Variants in DAB1 observed in about 807,000 individuals in gnomAD.
The protein encoded by DAB1 is DAB adaptor protein 1.
In DAB1, 15 loss-of-function variants were observed where a neutral mutation model predicts 64.6. The observed-to-expected ratio is 0.23, with a 90% confidence interval of 0.16 to 0.36. The LOEUF is 0.36. DAB1 is among the 10% of genes least tolerant of loss of function. DAB1 has a pLI of 1.00. For missense variants in DAB1, 596 were observed against 706.7 expected (o/e 0.84, Z 1.78); for synonymous variants, 235 against 251.9 (o/e 0.93, Z 0.64).
intron 4 of DAB1, among the ~76,000 whole-genome samples, chr1:58,334,845 T>A (rs1340691486): frequency 2.0e-5 from 3 of 151,902 alleles, no homozygotes; most frequent in East Asian, 3.9e-4. Flanking sequence ...AAGGAAGGAA[T>A]ACGTGAACCA....
chr1:58,291,731 G>A (rs1203055334), intron 4 of DAB1, among the ~76,000 whole-genome samples: 1 of 152,150 alleles, frequency 6.6e-6, no homozygotes, highest in African/African-American at 2.4e-5. Flanking sequence ...TTTCATTGTG[G>A]GAACCTGGCG....
chr1:57,566,428 G>A (rs1645121177), intron 7 of DAB1, among the ~76,000 whole-genome samples: 3 of 151,806 alleles, frequency 2.0e-5, no homozygotes, highest in African/African-American at 2.4e-5. Context: ...CTAAGATCAG[G>A]GCAGAACTGA....
chr1:58,251,952 T>G (rs1264752286), intron 4 of DAB1, among the ~76,000 whole-genome samples: 1 of 152,146 alleles, frequency 6.6e-6, no homozygotes, highest in Non-Finnish European at 1.5e-5. Context: ...CCCCTCTGCC[T>G]GTAGTTCCGC....
intron 4 of DAB1, among the ~76,000 whole-genome samples, chr1:57,086,424 C>T (rs554006569): frequency 6.6e-6 from 1 of 152,126 alleles, no homozygotes; most frequent in East Asian, 1.9e-4. Flanking sequence ...GTCTGAGGGC[C>T]CTGGCCAGGC....
chr1:57,141,551 T>G (rs1658589116), intron 3 of DAB1, among the ~76,000 whole-genome samples: 1 of 152,158 alleles, frequency 6.6e-6, no homozygotes, highest in Non-Finnish European at 1.5e-5. Flanking sequence ...CCACCCCTCA[T>G]TTGCTACCTT....
At chr1:58,076,440 T>G (rs1245485933) in intron 5 of DAB1, among the ~76,000 whole-genome samples, 4 of 152,162 alleles carry the variant, frequency 2.6e-5, no homozygotes, top group Admixed American at 2.6e-4. Context: ...CCCGGCCAAC[T>G]CTGGGTTCCT....
At position 57,116,480 on chromosome 1, in the gene DAB1, A is replaced by AAAAAAG. The variant is rs1553144211; in HGVS notation, c.306+20062_306+20063insCTTTTT. Among the ~76,000 whole-genome samples the AAAAAAG allele has an allele frequency of 1.1e-4, 14 of 131,314 alleles. No homozygotes were observed. The East Asian group carries it at 1.4e-3, about 13-fold the overall frequency. The allele number at this position is 131,314 out of a possible 152,430, so 86.1% of individuals were successfully genotyped here. On this transcript the variant is annotated intron_variant, in intron 4 of 14. Coordinates refer to ENST00000371236, the MANE Select transcript of DAB1 (RefSeq NM_001365792.1). Reference sequence around the variant, plus strand: ...CTGTCTCAAAAAAAAAAAAAAAAAAAAAAGAAAGAAAGCAGGTTGGGAGAA... The same window carrying AAAAAAG: ...CTGTCTCAAAAAAAAAAAAAAAAAAAAAAAAGAAAGAAAGAAAGCAGGTTGGGAGAA...
upstream of DAB1, among the ~76,000 whole-genome samples, chr1:57,425,909 A>C (rs1490360100): frequency 2.6e-5 from 4 of 152,202 alleles, no homozygotes; most frequent in African/African-American, 7.2e-5. Flanking sequence ...CAGGCAACTC[A>C]ATTAAGATTA....
chr1:57,564,001 C>G (rs544562847), intron 7 of DAB1, among the ~76,000 whole-genome samples: 287 of 152,290 alleles, frequency 1.9e-3, no homozygotes, highest in Non-Finnish European at 3.1e-3. Flanking sequence ...TCAAGTGGGT[C>G]CCTGACCCCT....
intron 7 of DAB1, among the ~76,000 whole-genome samples, chr1:57,457,317 A>G (rs1264754861): frequency 6.6e-6 from 1 of 152,172 alleles, no homozygotes; most frequent in Non-Finnish European, 1.5e-5. Flanking sequence ...TCTGACCAGC[A>G]TGGCAGTGGA....
At chr1:58,074,564 G>GTATATATATATATATATATATATA (rs375821412) in intron 5 of DAB1, 27 of 91,624 alleles carry the variant, frequency 2.9e-4, no homozygotes, top group African/African-American at 9.6e-4. Flanking sequence ...ATATATGTGT[G>GTATATATATATATATATATATATA]TATATATATA....
chr1:58,480,521 C>T (rs777334009), intron 3 of DAB1, among the ~76,000 whole-genome samples: 14 of 152,148 alleles, frequency 9.2e-5, no homozygotes, highest in Non-Finnish European at 1.8e-4. Context: ...CCCTTTTCCA[C>T]ATAATCCCAC....
intron 5 of DAB1, among the ~76,000 whole-genome samples, chr1:58,144,334 T>C (rs1054747762): frequency 6.6e-6 from 1 of 152,220 alleles, no homozygotes; most frequent in African/African-American, 2.4e-5. Context: ...AAGTAAAGAT[T>C]ATCAACAGTC....
At chr1:57,399,302 T>C (rs942386837) in intron 1 of DAB1, among the ~76,000 whole-genome samples, 1 of 152,194 alleles carries the variant, frequency 6.6e-6, no homozygotes, top group Non-Finnish European at 1.5e-5. Context: ...GCACCAAGCA[T>C]ATAGCAGGTG....
intron 6 of DAB1, among the ~76,000 whole-genome samples, chr1:57,668,733 A>G (rs907644795): frequency 2.6e-5 from 4 of 152,268 alleles, no homozygotes; most frequent in Admixed American, 6.5e-5. Flanking sequence ...CTAGATCCTA[A>G]AAAGAGTGCA....
chr1:57,757,919 C>T (rs1313140780), intron 6 of DAB1, among the ~76,000 whole-genome samples: 3 of 152,012 alleles, frequency 2.0e-5, no homozygotes, highest in African/African-American at 4.8e-5. Context: ...TAGGCTCAAT[C>T]GATCCTTCTG....
At chr1:57,180,670 T>G (rs559128650) in intron 2 of DAB1, among the ~76,000 whole-genome samples, 1 of 150,800 alleles carries the variant, frequency 6.6e-6, no homozygotes, top group South Asian at 2.1e-4. Flanking sequence ...ATAAAAGGAC[T>G]CCCCCCCACA....
At chr1:57,317,002 C>T (rs1448934668) in intron 1 of DAB1, among the ~76,000 whole-genome samples, 1 of 152,186 alleles carries the variant, frequency 6.6e-6, no homozygotes, top group Non-Finnish European at 1.5e-5. Flanking sequence ...TGGGATGTCA[C>T]TTGATAAATT....
At chr1:57,363,826 C>T (rs909232133) in intron 1 of DAB1, among the ~76,000 whole-genome samples, 1 of 152,174 alleles carries the variant, frequency 6.6e-6, no homozygotes, top group Non-Finnish European at 1.5e-5. Flanking sequence ...TTGTTTGTGG[C>T]TCAGCTGTTC....
Sources: gnomAD v4.1 joint callset for allele counts (sites outside exome capture counted in the v4.1 genomes callset) on GRCh38, gnomAD v4.1.1 for gene constraint, MANE v1.5 for transcripts, NCBI Gene and HGNC (gene_info 2026-07-23, HGNC 2026-07-21) for gene names.